GATA2: variants seen among roughly 807,000 people sequenced by gnomAD.
The protein encoded by GATA2 is endothelial transcription factor GATA-2.
GATA2 carries 6 observed loss-of-function variants against 35.7 expected under a neutral mutation model. The ratio of observed to expected loss-of-function variants is 0.17; its 90% CI spans 0.09 to 0.33. The LOEUF (loss-of-function observed/expected upper bound fraction) is 0.33. GATA2 is among the 10% of genes least tolerant of loss of function. The pLI is 1.00. For missense variants in GATA2, 541 were observed against 656.6 expected (o/e 0.82, Z 1.92); for synonymous variants, 313 against 274.9 (o/e 1.14, Z -1.37).
chr3:128,485,737 A>G lies in GATA2; in HGVS notation c.861T>C (p.Arg287=). The change falls in exon 3 of 6, where the codon CGT becomes CGC. Residue 287 remains arginine, a synonymous_variant. Coordinates refer to ENST00000341105, the MANE Select transcript of GATA2 (RefSeq NM_032638.5). ...AGCACCTGCCTTTACCTGAACAGGA[A>G]CGAGCCTTGCTGCGCTGCTTAGGGG... ...SFTPKQRSKA[R]SCSEGRECVN... is the part of the protein sequence containing the mutation. The G allele has an allele frequency of 6.2e-7, 1 of 1,613,822 alleles. No homozygotes were observed. Among genetic ancestry groups the G allele is most frequent in the Non-Finnish European group, 8.5e-7 (1 of 1,179,962 alleles).
chr3:128,491,588 G>T (rs2107677110), intron 1 of GATA2, among the ~76,000 whole-genome samples: 1 of 152,232 alleles, frequency 6.6e-6, no homozygotes, highest in East Asian at 1.9e-4. Flanking sequence ...TGCTATAACG[G>T]CCCCTCCTGC....
Position 128,487,027 on chromosome 3 carries a change from T to G in GATA2, c.5A>C (p.Glu2Ala). 1 of 1,582,082 alleles carries G rather than the reference T, an allele frequency of 6.3e-7. No homozygotes were observed. Among genetic ancestry groups the G allele is most frequent in the Non-Finnish European group, 8.6e-7 (1 of 1,164,550 alleles). M[E>A]VAPEQPRWMA... ...CCAGCGCGGCTGCTCGGGCGCCACC[T>G]CCATGGCCGGCGGCGGCGGCTCAGG... The change falls in exon 2 of 6, where the codon GAG becomes GCG. Residue 2 changes from glutamate to alanine, a missense_variant. By Grantham distance (107) the Glu-to-Ala change is moderately radical. This residue lies in a region of GATA2 where 389 missense variants were observed against 396.9 expected (regional missense o/e 0.98). Coordinates refer to ENST00000341105, the MANE Select transcript of GATA2 (RefSeq NM_032638.5).
intron 4 of GATA2, 131 bp downstream of exon 4, chr3:128,483,729 C>G: frequency 8.0e-7 from 1 of 1,256,138 alleles, no homozygotes; most frequent in Admixed American, 1.9e-5. Context: ...AACTGACATC[C>G]CAGTGCTTTT....
chr3:128,482,013 G>A (rs1312313015), intron 4 of GATA2, 69 bp from the exon 5 acceptor site: 157 of 1,587,702 alleles, frequency 9.9e-5, no homozygotes, highest in Non-Finnish European at 1.3e-4. Context: ...CCTGACCCTC[G>A]CTCCACCCCC....
rs577018136 is a variant in GATA2 at position 128,485,696 on chromosome 3, C to T, written c.871+31G>A. 4 of 1,609,640 alleles carry T rather than the reference C, an allele frequency of 2.5e-6. 1 individual carries two copies. Among genetic ancestry groups the T allele is most frequent in the African/African-American group, 1.3e-5 (1 of 74,870 alleles). The stretch of plus-strand genomic sequence containing the variant: ...ACCACAAAAACGCAAATGCTCCCCT[C>T]TTCCACGAAGTCCCCAGCACCTGCC... On this transcript the variant is annotated intron_variant, in intron 3 of 5. Coordinates refer to ENST00000341105, the MANE Select transcript of GATA2 (RefSeq NM_032638.5).
chr3:128,487,932 A>C (rs1248548923), intron 1 of GATA2: 2 of 152,232 alleles, frequency 1.3e-5, no homozygotes, highest in Non-Finnish European at 2.9e-5. Context: ...CTGCACAGAC[A>C]TGAAGCGGGG....
In GATA2 at chr3:128,481,224, C is replaced by T. The variant is rs1283468852; in HGVS notation, c.1238G>A (p.Cys413Tyr). ...KSKKSKKGAE[C>Y]FEELSKCMQE... is the part of the protein sequence containing the mutation. ...CATGCACTTTGACAGCTCCTCGAAG[C>T]ACTCCGCCCCTTTCTTGCTCTTCTT... Residue 413 changes from cysteine (C) to tyrosine (Y), a missense_variant, in exon 6 of 6, where the codon TGC (cysteine) becomes TAC (tyrosine). This residue lies in a region of GATA2 where 95 missense variants were observed against 114.0 expected (regional missense o/e 0.83). Transcript: ENST00000341105. 1.9e-6 allele frequency: 3 copies of T among 1,614,234 alleles called. No individual in the cohort carries two copies. The highest frequency in any genetic ancestry group is 1.6e-4 in the Middle Eastern group (1 of 6,062).
chr3:128,482,042 C>T, intron 4 of GATA2, 98 bp from the exon 5 acceptor site: 2 of 1,477,526 alleles, frequency 1.4e-6, no homozygotes, highest in Non-Finnish European at 1.8e-6. Flanking sequence ...CCAGCTCAGT[C>T]AAGGAGGGCT....
At chr3:128,491,178 CAG>C (rs1235552828) in intron 1 of GATA2, among the ~76,000 whole-genome samples, 1 of 145,652 alleles carries the variant, frequency 6.9e-6, no homozygotes, top group East Asian at 2.0e-4. Flanking sequence ...GGTGGGGACA[CAG>C]AGATGCCCAG....
At position 128,480,995 on chromosome 3, in the gene GATA2, C is replaced by G. The variant is rs201159232; in HGVS notation, c.*24G>C. 5 of 1,529,192 alleles carry G rather than the reference C, an allele frequency of 3.3e-6. No homozygotes were observed. Among genetic ancestry groups the G allele is most frequent in the Non-Finnish European group, 4.4e-6 (5 of 1,137,090 alleles). 94.7% of individuals were successfully genotyped at this position (1,529,192 alleles called of 1,614,324 possible). On this transcript the variant is annotated 3_prime_UTR_variant, in exon 6 of 6. Coordinates refer to ENST00000341105, the MANE Select transcript of GATA2 (RefSeq NM_032638.5). ...TTGGTCCACCCATCCCGGGAGTGCC[C>G]GGTCCTCGACGTCCATCTGTTCCCT...
intron 3 of GATA2, among the ~76,000 whole-genome samples, chr3:128,484,813 A>G (rs944286410): frequency 6.6e-6 from 1 of 152,162 alleles, no homozygotes; most frequent in Non-Finnish European, 1.5e-5. Flanking sequence ...CTGGGGACCA[A>G]GTTGAGCAGG....
Position 128,485,862 on chromosome 3 carries a change from T to C in GATA2, c.736A>G (p.Ile246Val). The change falls in exon 3 of 6, where the codon ATC becomes GTC. Residue 246 changes from isoleucine to valine, a missense_variant. Physicochemically the swap from Ile to Val is conservative, Grantham distance 29. This residue lies in a region of GATA2 where 389 missense variants were observed against 396.9 expected (regional missense o/e 0.98). Transcript: ENST00000341105. Reference sequence around the variant, plus strand: ...GGCACATAGGAGGGGTAGGTGGGGATGGGGTGGTGTGTAGCAGGCTGGGTG... The same window carrying C: ...GGCACATAGGAGGGGTAGGTGGGGACGGGGTGGTGTGTAGCAGGCTGGGTG... ...MGTQPATHHP[I>V]PTYPSYVPAA... is the part of the protein sequence containing the mutation. 1.2e-6 allele frequency: 2 copies of C among 1,613,772 alleles called. No individual in the cohort carries two copies. The highest frequency in any genetic ancestry group is 1.7e-6 in the Non-Finnish European group (2 of 1,179,894).
In GATA2 at chr3:128,482,639, C is replaced by T. The variant is rs148085332; in HGVS notation, c.1018-695G>A. On this transcript the variant is annotated intron_variant, in intron 4 of 5. Coordinates refer to ENST00000341105, the MANE Select transcript of GATA2 (RefSeq NM_032638.5). Reference sequence around the variant, plus strand: ...CTCTCCAGCTGATGTGAGTGCTGATCCCCCCCATCCAGCCCCCCATACCCC... The same window carrying T: ...CTCTCCAGCTGATGTGAGTGCTGATTCCCCCCATCCAGCCCCCCATACCCC... Among the ~76,000 whole-genome samples the T allele has an allele frequency of 3.1e-3, 474 of 152,042 alleles. 2 individuals carry two copies. Among genetic ancestry groups the T allele is most frequent in the African/African-American group, 0.011 (464 of 41,474 alleles).
chr3:128,483,822 C>A (rs749893021), intron 4 of GATA2, 38 bp downstream of exon 4: 3 of 1,613,894 alleles, frequency 1.9e-6, no homozygotes, highest in Non-Finnish European at 2.5e-6. Context: ...CAGCTCCTGC[C>A]CAGCAGCCCC....
chr3:128,489,578 G>GC (rs1394625830), intron 1 of GATA2: 3 of 152,146 alleles, frequency 2.0e-5, no homozygotes, highest in Admixed American at 6.5e-5. Flanking sequence ...CTCTGCGGGA[G>GC]CGGAGGCCGG....
At chr3:128,486,734 G>C (rs1468953678) in intron 2 of GATA2, 69 bp downstream of exon 2, 25 of 1,405,516 alleles carry the variant, frequency 1.8e-5, no homozygotes, top group South Asian at 4.9e-5. Context: ...GCAAGCAGAC[G>C]GGCCCTCCTC....
At chr3:128,487,540 A>C (rs1016685644) in intron 1 of GATA2, among the ~76,000 whole-genome samples, 186 of 152,068 alleles carry the variant, frequency 1.2e-3, no homozygotes, top group African/African-American at 4.4e-3. Flanking sequence ...CCCCGAAAAC[A>C]TGCACACGCA....
At position 128,479,434 on chromosome 3, in the gene GATA2, A is replaced by G. The variant is rs1464627891; in HGVS notation, c.*1585T>C. 3 of 229,242 alleles carry G rather than the reference A, an allele frequency of 1.3e-5. No individual in the cohort carries two copies. Among genetic ancestry groups the G allele is most frequent in the Non-Finnish European group, 2.6e-5 (3 of 115,486 alleles). The allele number at this position is 229,242 out of a possible 1,614,324, so 14.2% of individuals were successfully genotyped here. On this transcript the variant is annotated 3_prime_UTR_variant, in exon 6 of 6. Coordinates refer to ENST00000341105, the MANE Select transcript of GATA2 (RefSeq NM_032638.5). ...CAAGACAGGCCAGGGGCATTCACAA[A>G]AAGTATTTTATTATTCTTAACAGTA...
chr3:128,488,837 C>A lies in GATA2; in HGVS notation c.-45-1761G>T, dbSNP rs1272314445. 6.6e-6 allele frequency among the ~76,000 whole-genome samples: 1 copy of A among 152,164 alleles called. No homozygotes were observed. Among genetic ancestry groups the A allele is most frequent in the Admixed American group, 6.5e-5 (1 of 15,284 alleles). ...GGCTCTATGGTTCGTGTGGGCCGGG[C>A]GCACAAGTCTTCCTCCCTCCCATTG... On this transcript the variant is annotated intron_variant, in intron 1 of 5. Transcript: ENST00000341105. The surrounding 1 kb of genome is among the most constrained non-coding windows in gnomAD (Gnocchi z 5.8).
Sources: allele counts gnomAD v4.1 joint callset (sites outside exome capture counted in the v4.1 genomes callset), GRCh38; gene constraint gnomAD v4.1.1; regional missense constraint gnomAD v4.1.1; non-coding constraint Gnocchi (gnomAD v3.1); transcripts MANE v1.5; gene names NCBI Gene and HGNC (gene_info 2026-07-23, HGNC 2026-07-21).